Variants in METTL15 observed in about 807,000 individuals in gnomAD.
METTL15 encodes methyltransferase 15, mitochondrial 12S rRNA N4-cytidine.
METTL15 carries 34 observed loss-of-function variants against 38.3 expected under a neutral mutation model. The ratio of observed to expected loss-of-function variants is 0.89; its 90% CI spans 0.68 to 1.18. The LOEUF (loss-of-function observed/expected upper bound fraction) is 1.18, where lower values mean the gene tolerates loss of function less well. METTL15 is among the 50% of genes most tolerant of loss of function. The probability of loss-of-function intolerance (pLI) is 0.00; values close to 1 mark genes in which losing one functional copy is unlikely to be tolerated. For missense variants in METTL15, 438 were observed against 498.4 expected (o/e 0.88, Z 1.15); for synonymous variants, 162 against 170.9 (o/e 0.95, Z 0.41).
At chr11:28,252,347 G>C (rs7951681) in intron 4 of METTL15, among the ~76,000 whole-genome samples, 41,030 of 151,878 alleles carry the variant, frequency 0.27, 6,052 homozygotes, top group African/African-American at 0.37. Flanking sequence ...ATTTAGTACT[G>C]CCAGTAAATT....
At chr11:28,513,598 C>T (rs1342150222) in intron 6 of METTL15, among the ~76,000 whole-genome samples, 2 of 152,196 alleles carry the variant, frequency 1.3e-5, no homozygotes, top group Non-Finnish European at 2.9e-5. Flanking sequence ...AATCAGGGGT[C>T]TCACAGCCCA....
At chr11:28,220,384 T>C (rs1043958786) in intron 4 of METTL15, among the ~76,000 whole-genome samples, 3 of 152,108 alleles carry the variant, frequency 2.0e-5, no homozygotes, top group Admixed American at 1.3e-4. Context: ...GGATTGCAAC[T>C]CCTGCCTTTT....
intron 3 of METTL15, chr11:28,134,418 A>G (rs995048613): frequency 2.3e-5 from 9 of 396,550 alleles, no homozygotes; most frequent in African/African-American, 4.1e-5. Flanking sequence ...GGCGGTGGAC[A>G]TATTTAGGCA....
chr11:28,273,736 A>C (rs1156923435), intron 4 of METTL15, among the ~76,000 whole-genome samples: 1 of 152,118 alleles, frequency 6.6e-6, no homozygotes, highest in African/African-American at 2.4e-5. Context: ...AAATGGACTA[A>C]AGATATGAAT....
intron 6 of METTL15, among the ~76,000 whole-genome samples, chr11:28,515,628 G>A (rs1168917705): frequency 1.3e-5 from 2 of 152,246 alleles, no homozygotes; most frequent in Non-Finnish European, 1.5e-5. Flanking sequence ...CACTATAAAG[G>A]CATTGTTGAG....
chr11:28,230,445 C>T (rs1442974421), intron 4 of METTL15, among the ~76,000 whole-genome samples: 4 of 151,874 alleles, frequency 2.6e-5, no homozygotes, highest in Non-Finnish European at 4.4e-5. Context: ...TTATTGCCTA[C>T]GTCATTTGAA....
chr11:28,471,121 A>T (rs1851299938), intron 6 of METTL15, among the ~76,000 whole-genome samples: 1 of 152,030 alleles, frequency 6.6e-6, no homozygotes, highest in Admixed American at 6.6e-5. Flanking sequence ...TGGACATCCT[A>T]GTTGGGTCTT....
intron 5 of METTL15, among the ~76,000 whole-genome samples, chr11:28,295,733 C>G (rs1856708727): frequency 1.3e-5 from 2 of 152,006 alleles, no homozygotes; most frequent in Non-Finnish European, 2.9e-5. Context: ...CTCCTAGAGG[C>G]ACTAGGCTTA....
At chr11:28,386,467 G>A (rs534545411) in intron 5 of METTL15, among the ~76,000 whole-genome samples, 4 of 151,806 alleles carry the variant, frequency 2.6e-5, no homozygotes, top group Non-Finnish European at 4.4e-5. Context: ...GTTAAAAATT[G>A]TTGCATGAGA....
chr11:28,441,449 T>C (rs1391566059), intron 6 of METTL15, among the ~76,000 whole-genome samples: 3 of 152,224 alleles, frequency 2.0e-5, no homozygotes, highest in Non-Finnish European at 4.4e-5. Context: ...GGTACTTCTC[T>C]TCTGTTTCTT....
chr11:28,327,031 G>A (rs895740248), intron 6 of METTL15, among the ~76,000 whole-genome samples: 21 of 152,022 alleles, frequency 1.4e-4, no homozygotes, highest in African/African-American at 5.1e-4. Flanking sequence ...TTACAGACAT[G>A]AGGTACCAGT....
At position 28,190,251 on chromosome 11, in the gene METTL15, A is replaced by T. The variant is rs192299626; in HGVS notation, c.271-20811A>T. On this transcript the variant is annotated intron_variant, in intron 3 of 6. Coordinates refer to ENST00000407364, the MANE Select transcript of METTL15 (RefSeq NM_001113528.2). ...GTGTCTTTTTGCATTTAGAATATAG[A>T]TAAAATTCCTTACAATAACAAAGAG... Among the ~76,000 whole-genome samples the T allele has an allele frequency of 2.6e-5, 4 of 151,406 alleles. No individual in the cohort carries two copies. The Admixed American group carries it at 2.6e-4, about 10-fold the overall frequency.
At chr11:28,486,352 C>T (rs1851439386) in intron 6 of METTL15, among the ~76,000 whole-genome samples, 1 of 151,846 alleles carries the variant, frequency 6.6e-6, no homozygotes, top group Non-Finnish European at 1.5e-5. Flanking sequence ...TCATGTTAAT[C>T]TTTCCCAGGT....
At chr11:28,204,625 C>A (rs1194139589) in intron 3 of METTL15, among the ~76,000 whole-genome samples, 1 of 151,488 alleles carries the variant, frequency 6.6e-6, no homozygotes, top group Non-Finnish European at 1.5e-5. Context: ...GGTTTTAAGC[C>A]CAGATTCATC....
chr11:28,124,713 T>G (rs1852398444), intron 3 of METTL15, among the ~76,000 whole-genome samples: 1 of 152,128 alleles, frequency 6.6e-6, no homozygotes, highest in Non-Finnish European at 1.5e-5. Flanking sequence ...ACGTTTTCCC[T>G]GCTTTCTCTA....
intron 6 of METTL15, among the ~76,000 whole-genome samples, chr11:28,525,265 C>A (rs1851800495): frequency 6.6e-6 from 1 of 152,188 alleles, no homozygotes; most frequent in South Asian, 2.1e-4. Flanking sequence ...TTTCTGGCCC[C>A]ACGCACATCC....
chr11:28,215,398 A>G (rs929929723), intron 4 of METTL15, among the ~76,000 whole-genome samples: 1 of 152,078 alleles, frequency 6.6e-6, no homozygotes, highest in African/African-American at 2.4e-5. Context: ...TCTGGTTTCT[A>G]TGACCCACGT....
intron 3 of METTL15, among the ~76,000 whole-genome samples, chr11:28,179,351 A>G (rs181041553): frequency 6.6e-6 from 1 of 151,960 alleles, no homozygotes; most frequent in Non-Finnish European, 1.5e-5. Flanking sequence ...GTATAAAAAT[A>G]CAGACGTTTT....
At chr11:28,417,927 T>G (rs1850787249) in intron 5 of METTL15, among the ~76,000 whole-genome samples, 1 of 152,222 alleles carries the variant, frequency 6.6e-6, no homozygotes, top group Admixed American at 6.5e-5. Context: ...TATACTTCCC[T>G]GCTTTATTAA....
Sources: gnomAD v4.1 joint callset for allele counts (sites outside exome capture counted in the v4.1 genomes callset) on GRCh38, gnomAD v4.1.1 for gene constraint, MANE v1.5 for transcripts, NCBI Gene and HGNC (gene_info 2026-07-23, HGNC 2026-07-21) for gene names.